ARHGAP25: variants seen among roughly 807,000 people sequenced by gnomAD.
ARHGAP25 encodes Rho GTPase activating protein 25.
ARHGAP25 carries 34 observed loss-of-function variants against 71.0 expected under a neutral mutation model. The observed-to-expected ratio is 0.48, with a 90% CI of 0.36 to 0.64. The LOEUF (loss-of-function observed/expected upper bound fraction) is 0.64, where lower values mean the gene tolerates loss of function less well. Ranked by LOEUF, ARHGAP25 falls within the 30% of genes least tolerant of loss-of-function variation. The pLI, the probability that ARHGAP25 is intolerant of heterozygous loss-of-function variation, is 0.00. For synonymous variants in ARHGAP25, 282 were observed against 296.5 expected (o/e 0.95, Z 0.50); for missense variants, 706 against 805.1 (o/e 0.88, Z 1.49).
intron 1 of ARHGAP25, among the ~76,000 whole-genome samples, chr2:68,745,583 A>G (rs1675767189): frequency 6.6e-6 from 1 of 152,210 alleles, no homozygotes; most frequent in African/African-American, 2.4e-5. Context: ...GTAACTGGAC[A>G]GCTGAACATC....
At chr2:68,789,912 C>T (rs533640144) in intron 4 of ARHGAP25, among the ~76,000 whole-genome samples, 40 of 152,170 alleles carry the variant, frequency 2.6e-4, no homozygotes, top group African/African-American at 8.9e-4. Flanking sequence ...GAAAGTCCAG[C>T]GAAGGGGAAA....
At chr2:68,794,107 T>C (rs1679376345) in intron 4 of ARHGAP25, among the ~76,000 whole-genome samples, 1 of 152,220 alleles carries the variant, frequency 6.6e-6, no homozygotes, top group South Asian at 2.1e-4. Flanking sequence ...CTGATTTTTG[T>C]ATGTTGATTT....
chr2:68,734,632 A>G (rs566771125), upstream of ARHGAP25, among the ~76,000 whole-genome samples: 5 of 152,306 alleles, frequency 3.3e-5, no homozygotes, highest in South Asian at 6.2e-4. Flanking sequence ...TTAAAACTGT[A>G]ATCTTTTATA....
At chr2:68,776,387 C>T (rs1026527797) in intron 2 of ARHGAP25, among the ~76,000 whole-genome samples, 1 of 152,274 alleles carries the variant, frequency 6.6e-6, no homozygotes, top group East Asian at 1.9e-4. Context: ...AAAAAGACAG[C>T]TGTGGCTACT....
intron 1 of ARHGAP25, among the ~76,000 whole-genome samples, chr2:68,747,874 C>T (rs1476740298): frequency 1.3e-5 from 2 of 151,770 alleles, no homozygotes; most frequent in Non-Finnish European, 2.9e-5. Flanking sequence ...TGACTATTTC[C>T]GTTATCTCCA....
chr2:68,795,905 T>C (rs1253325530), intron 4 of ARHGAP25, among the ~76,000 whole-genome samples: 2 of 152,200 alleles, frequency 1.3e-5, no homozygotes, highest in Non-Finnish European at 2.9e-5. Context: ...TTTTTAGTTT[T>C]AGGTCAGTAA....
intron 2 of ARHGAP25, among the ~76,000 whole-genome samples, chr2:68,776,754 G>C (rs980440412): frequency 6.6e-6 from 1 of 152,180 alleles, no homozygotes; most frequent in Non-Finnish European, 1.5e-5. Context: ...GGAGATGGAA[G>C]TATGGGCTTG....
chr2:68,815,840 A>C (rs1278870003), intron 6 of ARHGAP25, among the ~76,000 whole-genome samples: 1 of 152,016 alleles, frequency 6.6e-6, no homozygotes, highest in Non-Finnish European at 1.5e-5. Context: ...GTGTCCCGGC[A>C]TGTCTCAGAT....
intron 5 of ARHGAP25, among the ~76,000 whole-genome samples, chr2:68,808,026 C>G (rs1680506827): frequency 6.6e-6 from 1 of 152,204 alleles, no homozygotes; most frequent in Non-Finnish European, 1.5e-5. Flanking sequence ...TCTTGGCCGC[C>G]TGGCATTCCT....
chr2:68,787,442 G>C (rs1486207159), intron 3 of ARHGAP25, among the ~76,000 whole-genome samples: 1 of 152,172 alleles, frequency 6.6e-6, no homozygotes, highest in Non-Finnish European at 1.5e-5. Flanking sequence ...CTGAGCTCAG[G>C]ACTAGCTTAG....
At chr2:68,789,572 G>A (rs1679019042) in intron 4 of ARHGAP25, among the ~76,000 whole-genome samples, 1 of 152,090 alleles carries the variant, frequency 6.6e-6, no homozygotes, top group African/African-American at 2.4e-5. Flanking sequence ...TACATAATTA[G>A]GCCACATGCT....
chr2:68,756,209 G>A (rs540372503), intron 1 of ARHGAP25, among the ~76,000 whole-genome samples: 1 of 152,326 alleles, frequency 6.6e-6, no homozygotes, highest in South Asian at 2.1e-4. Context: ...CCTGTGGCAG[G>A]CTTTCCAGAT....
chr2:68,717,791 G>T (rs1375809835), intron 2 of ARHGAP25, among the ~76,000 whole-genome samples: 1 of 152,092 alleles, frequency 6.6e-6, no homozygotes. Context: ...AAGTGTAGGG[G>T]TTTTTATGAG....
intron 5 of ARHGAP25, 93 bp downstream of exon 5, chr2:68,807,573 T>C (rs779953427): frequency 1.3e-5 from 17 of 1,277,892 alleles, no homozygotes; most frequent in Non-Finnish European, 1.9e-5. Flanking sequence ...CTATGGGACT[T>C]GCATAGAGAC....
At position 68,822,872 on chromosome 2, in the gene ARHGAP25, A is replaced by T. The variant is rs1558668344; in HGVS notation, c.1733A>T (p.Asn578Ile). 6.8e-6 allele frequency: 11 copies of T among 1,606,152 alleles called. No individual in the cohort carries two copies. Among genetic ancestry groups the T allele is most frequent in the Non-Finnish European group, 9.3e-6 (11 of 1,177,176 alleles). Reference protein sequence around the residue: ...QKQMYEEQIKNLEKENYDVWA... With the variant: ...QKQMYEEQIKILEKENYDVWA... ...CAAATGTATGAGGAACAGATTAAAA[A>T]GTAAGTCAGACAGAGGGGCACTGAG... Residue 578 changes from asparagine (N) to isoleucine (I), a missense_variant and splice_region_variant, in exon 10 of 11, where the codon AAC (asparagine) becomes ATC (isoleucine). By Grantham distance (149) the Asn-to-Ile change is moderately radical (BLOSUM62 -3). Transcript: ENST00000409202.
At chr2:68,774,971 C>G in intron 1 of ARHGAP25, 1 of 1,430,754 alleles carries the variant, frequency 7.0e-7, no homozygotes. Flanking sequence ...TGCCGGACTG[C>G]CTGTGCACGG....
intron 1 of ARHGAP25, among the ~76,000 whole-genome samples, chr2:68,753,275 C>T (rs1350299122): frequency 1.3e-5 from 2 of 152,132 alleles, no homozygotes; most frequent in South Asian, 2.1e-4. Flanking sequence ...TGCTGTATGG[C>T]GGAATCAAGA....
intron 4 of ARHGAP25, among the ~76,000 whole-genome samples, chr2:68,799,249 G>T (rs184445860): frequency 6.6e-6 from 1 of 152,304 alleles, no homozygotes; most frequent in East Asian, 1.9e-4. Flanking sequence ...TAAACACTGG[G>T]TTGGCAGCAT....
intron 1 of ARHGAP25, among the ~76,000 whole-genome samples, chr2:68,752,087 T>C (rs1178705330): frequency 1.3e-5 from 2 of 152,224 alleles, no homozygotes; most frequent in African/African-American, 4.8e-5. Flanking sequence ...ACCTCACTTA[T>C]TGTGTTGGGG....
Sources: gnomAD v4.1 joint callset for allele counts (sites outside exome capture counted in the v4.1 genomes callset) on GRCh38, gnomAD v4.1.1 for gene constraint, MANE v1.5 for transcripts, NCBI Gene and HGNC (gene_info 2026-07-23, HGNC 2026-07-21) for gene names.